The following GSTCD variants were observed in gnomAD, a reference collection of about 807,000 sequenced individuals.
The protein encoded by GSTCD is glutathione S-transferase C-terminal domain-containing protein.
GSTCD carries 44 observed loss-of-function variants against 68.3 expected under a neutral mutation model. The observed-to-expected ratio is 0.64, with a 90% CI of 0.51 to 0.83. GSTCD has a LOEUF of 0.83. GSTCD is among the 40% of genes least tolerant of loss of function. The probability of loss-of-function intolerance (pLI) is 0.00; values close to 1 mark genes in which losing one functional copy is unlikely to be tolerated. For missense variants in GSTCD, 739 were observed against 735.9 expected (o/e 1.00, Z -0.05); for synonymous variants, 273 against 255.2 (o/e 1.07, Z -0.67).
At chr4:105,732,989 G>A in intron 5 of GSTCD, among the ~76,000 whole-genome samples, 1 of 152,174 alleles carries the variant, frequency 6.6e-6, no homozygotes, top group East Asian at 1.9e-4. Flanking sequence ...TTTCCATGTA[G>A]TTGAGCGGTT....
intron 5 of GSTCD, among the ~76,000 whole-genome samples, chr4:105,796,094 G>A (rs762000545): frequency 1.3e-5 from 2 of 152,192 alleles, no homozygotes; most frequent in Non-Finnish European, 2.9e-5. Flanking sequence ...AATTTATACA[G>A]GAAAGAGGTT....
chr4:105,770,457 T>G (rs1168326166), intron 5 of GSTCD, among the ~76,000 whole-genome samples: 1 of 151,956 alleles, frequency 6.6e-6, no homozygotes, highest in African/African-American at 2.4e-5. Flanking sequence ...TGTGCCATGG[T>G]GGTTTGCTGC....
At chr4:105,785,616 G>C (rs906195117) in intron 5 of GSTCD, among the ~76,000 whole-genome samples, 1 of 152,002 alleles carries the variant, frequency 6.6e-6, no homozygotes. Flanking sequence ...TAACAAACTA[G>C]GAAAAGAAGG....
chr4:105,732,962 A>C (rs975896822), intron 5 of GSTCD, among the ~76,000 whole-genome samples: 1 of 152,206 alleles, frequency 6.6e-6, no homozygotes, highest in Non-Finnish European at 1.5e-5. Flanking sequence ...GTAGTCATTC[A>C]GGAGCAGGTT....
chr4:105,750,645 G>T (rs530901987), intron 5 of GSTCD, among the ~76,000 whole-genome samples: 1 of 152,110 alleles, frequency 6.6e-6, no homozygotes, highest in East Asian at 1.9e-4. Flanking sequence ...CACTTTTGGG[G>T]ATTCATTCCA....
At chr4:105,786,435 G>A (rs560936528) in intron 5 of GSTCD, among the ~76,000 whole-genome samples, 1 of 151,644 alleles carries the variant, frequency 6.6e-6, no homozygotes, top group South Asian at 2.1e-4. Flanking sequence ...TCGCTTGGAC[G>A]CCAGAGGCGA....
rs892843256 is a variant in GSTCD, at chr4:105,773,281, A to C, written c.1240+43782A>C. Among the ~76,000 whole-genome samples, 8 of 151,714 alleles carry C rather than the reference A, an allele frequency of 5.3e-5. 1 individual carries two copies. Among genetic ancestry groups the C allele is most frequent in the Admixed American group, 5.2e-4 (8 of 15,240 alleles). On this transcript the variant is annotated intron_variant, in intron 5 of 11. Transcript: ENST00000515279. ...TATTAGTCTGGCTAGCTGTCTATCT[A>C]TTTTGTTAATCTTTTCAAAAATCCA...
chr4:105,729,680 T>A (rs1216590159), intron 5 of GSTCD, among the ~76,000 whole-genome samples, 181 bp downstream of exon 5: 33 of 152,192 alleles, frequency 2.2e-4, no homozygotes, highest in Non-Finnish European at 1.5e-5. Flanking sequence ...ATTTAATATT[T>A]CTCACATTTT....
At chr4:105,767,615 T>C (rs1279922222) in intron 5 of GSTCD, among the ~76,000 whole-genome samples, 1 of 152,182 alleles carries the variant, frequency 6.6e-6, no homozygotes, top group Non-Finnish European at 1.5e-5. Flanking sequence ...TTCTAACAAG[T>C]TTGCTAAGAC....
At chr4:105,736,199 T>C (rs969548341) in intron 5 of GSTCD, among the ~76,000 whole-genome samples, 3 of 152,162 alleles carry the variant, frequency 2.0e-5, no homozygotes, top group African/African-American at 7.2e-5. Context: ...TAATACTTAA[T>C]GTTCATAGAG....
At position 105,718,007 on chromosome 4, in the gene GSTCD, T is replaced by C. The variant is rs1418958080; in HGVS notation, c.394T>C (p.Phe132Leu). ...LKKELLELLG[F>L]KKTCLKACAE... ...GAAGGAACTTTTGGAACTTCTGGGCTTTAAAAAGACTTGCTTGAAAGCCTG... is the reference window on the plus strand; with the variant it reads ...GAAGGAACTTTTGGAACTTCTGGGCCTTAAAAAGACTTGCTTGAAAGCCTG... The change falls in exon 2 of 12, where the codon TTT becomes CTT. Residue 132 changes from phenylalanine to leucine, a missense_variant. Coordinates refer to ENST00000515279, the MANE Select transcript of GSTCD (RefSeq NM_001370181.1). 1 of 1,608,122 alleles carries C rather than the reference T, an allele frequency of 6.2e-7. No individual in the cohort carries two copies. Among genetic ancestry groups the C allele is most frequent in the South Asian group, 1.1e-5 (1 of 89,902 alleles).
At chr4:105,800,710 G>C (rs978538120) in intron 5 of GSTCD, among the ~76,000 whole-genome samples, 2 of 152,020 alleles carry the variant, frequency 1.3e-5, no homozygotes, top group Non-Finnish European at 2.9e-5. Flanking sequence ...CCAATAATAT[G>C]GTCAATTCTC....
intron 5 of GSTCD, among the ~76,000 whole-genome samples, chr4:105,783,871 G>A (rs746712814): frequency 6.6e-6 from 1 of 152,036 alleles, no homozygotes; most frequent in Non-Finnish European, 1.5e-5. Flanking sequence ...TGTCATTTAT[G>A]ATCTTCATAT....
intron 5 of GSTCD, among the ~76,000 whole-genome samples, chr4:105,776,407 G>A (rs906121767): frequency 6.6e-6 from 1 of 152,170 alleles, no homozygotes; most frequent in African/African-American, 2.4e-5. Flanking sequence ...CCTGCAGCTA[G>A]CTCTGTGTCT....
At chr4:105,784,245 T>G (rs951292117) in intron 5 of GSTCD, among the ~76,000 whole-genome samples, 2 of 152,202 alleles carry the variant, frequency 1.3e-5, no homozygotes, top group Admixed American at 6.5e-5. Flanking sequence ...AAATAGAAAT[T>G]TATTTGGCTC....
At chr4:105,753,557 A>G (rs1190101471) in intron 5 of GSTCD, among the ~76,000 whole-genome samples, 2 of 152,040 alleles carry the variant, frequency 1.3e-5, no homozygotes, top group African/African-American at 2.4e-5. Context: ...AGCTATTTAC[A>G]TAGCATTTAC....
intron 5 of GSTCD, among the ~76,000 whole-genome samples, chr4:105,731,545 T>C (rs1421385753): frequency 6.6e-6 from 1 of 152,246 alleles, no homozygotes; most frequent in Non-Finnish European, 1.5e-5. Context: ...TATTGGTGTA[T>C]AAGAATGCTT....
At chr4:105,836,974 A>G (rs1314711023) in intron 9 of GSTCD, among the ~76,000 whole-genome samples, 1 of 152,216 alleles carries the variant, frequency 6.6e-6, no homozygotes, top group African/African-American at 2.4e-5. Context: ...GTATAAGTCA[A>G]TGTTTTTGAA....
intron 5 of GSTCD, among the ~76,000 whole-genome samples, chr4:105,741,789 C>T (rs13148869): frequency 0.62 from 94,726 of 152,128 alleles, 34,357 homozygotes; most frequent in East Asian, 0.9. Flanking sequence ...AGAAGCAACT[C>T]TAACAGCAGG....
Sources: gnomAD v4.1 joint callset for allele counts (sites outside exome capture counted in the v4.1 genomes callset) on GRCh38, gnomAD v4.1.1 for gene constraint, MANE v1.5 for transcripts, NCBI Gene and HGNC (gene_info 2026-07-23, HGNC 2026-07-21) for gene names.